NTM: variants seen among roughly 807,000 people sequenced by gnomAD.
The protein encoded by NTM is neurotrimin, also known as IgLON family member 2.
In NTM, 13 loss-of-function variants were observed where a neutral mutation model predicts 42.1. The observed-to-expected ratio is 0.31, with a 90% CI of 0.20 to 0.49. The LOEUF (loss-of-function observed/expected upper bound fraction) is 0.49. Ranked by LOEUF, NTM falls within the 20% of genes least tolerant of loss-of-function variation. NTM has a pLI of 0.99. For synonymous variants in NTM, 187 were observed against 179.2 expected (o/e 1.04, Z -0.35); for missense variants, 373 against 452.8 (o/e 0.82, Z 1.60).
intron 1 of NTM, among the ~76,000 whole-genome samples, chr11:131,873,602 A>G (rs1178558883): frequency 8.7e-6 from 1 of 114,534 alleles, no homozygotes; most frequent in Non-Finnish European, 1.7e-5. Context: ...ATATATACAT[A>G]TATATATACC....
At chr11:132,231,253 C>G (rs1246536715) in intron 4 of NTM, among the ~76,000 whole-genome samples, 9 of 152,166 alleles carry the variant, frequency 5.9e-5, no homozygotes, top group Admixed American at 3.9e-4. Flanking sequence ...CAGAGTTTGG[C>G]CTATACTATT....
intron 2 of NTM, among the ~76,000 whole-genome samples, chr11:132,013,836 G>A (rs921682377): frequency 5.3e-5 from 8 of 151,986 alleles, no homozygotes; most frequent in African/African-American, 1.9e-4. Flanking sequence ...AAGTTGGGGG[G>A]TTTAGGATAG....
At chr11:131,942,584 T>C (rs1039189458) in intron 2 of NTM, among the ~76,000 whole-genome samples, 10 of 152,102 alleles carry the variant, frequency 6.6e-5, no homozygotes, top group African/African-American at 2.4e-4. Flanking sequence ...GCTATTTCTA[T>C]ATGAAAAGTC....
At chr11:131,516,832 C>G (rs576236764) in intron 1 of NTM, among the ~76,000 whole-genome samples, 1 of 152,208 alleles carries the variant, frequency 6.6e-6, no homozygotes, top group Non-Finnish European at 1.5e-5. Context: ...GTTTCACTCT[C>G]ATCCTTAGTG....
intron 3 of NTM, among the ~76,000 whole-genome samples, chr11:132,211,312 A>C (rs1374516462): frequency 6.6e-6 from 1 of 152,172 alleles, no homozygotes. Context: ...CTGAGGTGGG[A>C]TTGTTTGAGC....
At chr11:131,528,264 A>C (rs1336599824) in intron 1 of NTM, among the ~76,000 whole-genome samples, 1 of 152,124 alleles carries the variant, frequency 6.6e-6, no homozygotes. Context: ...AATTCATGTA[A>C]GTTTCCTGAG....
chr11:132,187,341 C>T (rs2078596342), intron 3 of NTM, among the ~76,000 whole-genome samples: 1 of 151,980 alleles, frequency 6.6e-6, no homozygotes, highest in African/African-American at 2.4e-5. Flanking sequence ...TCTATACTCC[C>T]CTTCATATTT....
At chr11:131,905,050 G>A (rs545547200) in intron 1 of NTM, among the ~76,000 whole-genome samples, 9 of 152,310 alleles carry the variant, frequency 5.9e-5, no homozygotes, top group African/African-American at 2.2e-4. Context: ...AATGAAGGAA[G>A]CACAGCCAAT....
chr11:131,995,888 G>A (rs1414996899), intron 2 of NTM, among the ~76,000 whole-genome samples: 1 of 152,152 alleles, frequency 6.6e-6, no homozygotes, highest in Non-Finnish European at 1.5e-5. Flanking sequence ...TAAGGGAGCA[G>A]TCCTGCTGAA....
intron 2 of NTM, among the ~76,000 whole-genome samples, chr11:131,949,299 G>A (rs567846167): frequency 1.3e-5 from 2 of 152,268 alleles, no homozygotes; most frequent in African/African-American, 4.8e-5. Flanking sequence ...GACTAGTGGT[G>A]CAATGAGCAT....
intron 1 of NTM, among the ~76,000 whole-genome samples, chr11:131,405,645 T>C (rs1220573785): frequency 6.6e-6 from 1 of 152,206 alleles, no homozygotes; most frequent in Non-Finnish European, 1.5e-5. Context: ...CCATCCTTTA[T>C]CTCATGCCTC....
intron 3 of NTM, among the ~76,000 whole-genome samples, chr11:132,180,694 T>A (rs1288006074): frequency 6.6e-6 from 1 of 152,118 alleles, no homozygotes; most frequent in Non-Finnish European, 1.5e-5. Context: ...ATTCCATCAA[T>A]CTAAGGACCT....
chr11:131,511,948 T>C (rs1033400099), intron 1 of NTM, among the ~76,000 whole-genome samples: 5 of 152,130 alleles, frequency 3.3e-5, no homozygotes, highest in African/African-American at 9.7e-5. Flanking sequence ...CGGCCCCTAT[T>C]CTATGGTCCA....
Position 132,247,859 on chromosome 11 carries a change from C to T in NTM, c.526+35712C>T, listed in dbSNP as rs76675084. Reference sequence around the variant, plus strand: ...GTTGGACCTGAACACTTAGTAGACACTTGCTACCTCATTTTACCCCCTGTG... The same window carrying T: ...GTTGGACCTGAACACTTAGTAGACATTTGCTACCTCATTTTACCCCCTGTG... On this transcript the variant is annotated intron_variant, in intron 4 of 8. Transcript: ENST00000683400. 5.6e-3 allele frequency among the ~76,000 whole-genome samples: 851 copies of T among 152,304 alleles called. 11 individuals carry two copies. The highest frequency in any genetic ancestry group is 0.02 in the African/African-American group (826 of 41,570).
chr11:131,606,643 G>C (rs2060984671), intron 1 of NTM, among the ~76,000 whole-genome samples: 2 of 152,164 alleles, frequency 1.3e-5, no homozygotes, highest in Admixed American at 6.5e-5. Context: ...ACTGCAAAAA[G>C]TGTTCTGTCA....
At chr11:131,374,644 C>T (rs777582194) in intron 1 of NTM, among the ~76,000 whole-genome samples, 9 of 152,086 alleles carry the variant, frequency 5.9e-5, no homozygotes, top group Non-Finnish European at 1.2e-4. Context: ...CCTGGCAGTT[C>T]CCTGGGTTCT....
At position 131,838,178 on chromosome 11, in the gene NTM, C is replaced by T. The variant is rs190422242; in HGVS notation, c.83-73386C>T. ...GAAGGACGACTCGGTTCCAGCATCA[C>T]GGATGCAGGGGGCGGGGTGTAGACG... is the stretch of plus-strand genomic sequence containing the variant. On this transcript the variant is annotated intron_variant, in intron 1 of 8. Transcript: ENST00000683400. 4.6e-5 allele frequency among the ~76,000 whole-genome samples: 7 copies of T among 152,162 alleles called. No individual in the cohort carries two copies. In the East Asian group the frequency reaches 1.4e-3, roughly 29 times the overall value.
intron 5 of NTM, 51 bp from the exon 6 acceptor site, chr11:132,310,056 CAAAAA>C (rs71477755): frequency 3.6e-4 from 472 of 1,316,228 alleles, no homozygotes; most frequent in South Asian, 9.4e-4. Flanking sequence ...GACTCCATCT[CAAAAA>C]AAAAAAAAAA....
chr11:131,624,612 C>T (rs1045524584), intron 1 of NTM, among the ~76,000 whole-genome samples: 11 of 152,110 alleles, frequency 7.2e-5, no homozygotes, highest in African/African-American at 2.7e-4. Context: ...GACTCATGGC[C>T]ACTCATAGTG....
Sources: allele counts gnomAD v4.1 joint callset (sites outside exome capture counted in the v4.1 genomes callset), GRCh38; gene constraint gnomAD v4.1.1; transcripts MANE v1.5; gene names NCBI Gene and HGNC (gene_info 2026-07-23, HGNC 2026-07-21).